The following GFRA1 variants were observed in gnomAD, a reference collection of about 807,000 sequenced individuals.
GFRA1 encodes the protein GDNF family receptor alpha-1.
In GFRA1, 16 loss-of-function variants were observed where a neutral mutation model predicts 51.6. The observed-to-expected ratio is 0.31, with a 90% CI of 0.21 to 0.47. The LOEUF is 0.47. Among genes scored for constraint, GFRA1 ranks in the 20% least tolerant of loss-of-function variants. The probability of loss-of-function intolerance (pLI) is 1.00; values close to 1 mark genes in which losing one functional copy is unlikely to be tolerated. For synonymous variants in GFRA1, 270 were observed against 241.3 expected, an observed-to-expected ratio of 1.12 and a Z score of -1.10; for missense variants, 530 against 594.3, an observed-to-expected ratio of 0.89 and a Z score of 1.13.
rs1449075788 is a variant in GFRA1, at chr10:116,109,254, C to T, written c.771-12490G>A. Reference sequence around the variant, plus strand: ...GCAGCTTCTTGAGCTCATACGCACCCGCACAGCACTGAAAAAGAATTAATG... The same window carrying T: ...GCAGCTTCTTGAGCTCATACGCACCTGCACAGCACTGAAAAAGAATTAATG... On this transcript the variant is annotated intron_variant, in intron 6 of 10. Coordinates refer to ENST00000355422, the MANE Select transcript of GFRA1 (RefSeq NM_005264.8). Among the ~76,000 whole-genome samples the T allele has an allele frequency of 5.3e-5, 8 of 152,100 alleles. No individual in the cohort carries two copies. The East Asian group carries it at 7.8e-4, about 15-fold the overall frequency.
chr10:116,229,549 C>T (rs899951119), intron 4 of GFRA1, among the ~76,000 whole-genome samples: 2 of 152,222 alleles, frequency 1.3e-5, no homozygotes, highest in African/African-American at 4.8e-5. Flanking sequence ...GGGTGATGTT[C>T]CCAGAATCTT....
rs57618028 is a variant in GFRA1, at chr10:116,228,980, CAAAAAAAAAA to C, written c.419-17345_419-17336del. The stretch of plus-strand genomic sequence containing the variant: ...TTGATGACAGACCAATACTCCATCT[CAAAAAAAAAA>C]AAAAAAAAAAAAAAAAAGAAAGGCA... On this transcript the variant is annotated intron_variant, in intron 4 of 10. Coordinates refer to ENST00000355422, the MANE Select transcript of GFRA1 (RefSeq NM_005264.8). Among the ~76,000 whole-genome samples the C allele has an allele frequency of 2.8e-4, 15 of 52,886 alleles. No individual in the cohort carries two copies. The South Asian group carries it at 7.2e-3, about 25-fold the overall frequency. 34.7% of individuals were successfully genotyped at this position (52,886 alleles called of 152,430 possible).
chr10:116,173,945 T>C (rs1342173034), intron 5 of GFRA1, among the ~76,000 whole-genome samples: 1 of 152,112 alleles, frequency 6.6e-6, no homozygotes, highest in Admixed American at 6.5e-5. Context: ...CCGGGCATGG[T>C]GGTGCATGCC....
chr10:116,172,370 G>A (rs1414541162), intron 5 of GFRA1, among the ~76,000 whole-genome samples: 1 of 152,132 alleles, frequency 6.6e-6, no homozygotes, highest in Non-Finnish European at 1.5e-5. Flanking sequence ...GTATGGGAGA[G>A]CAATGAAGGC....
chr10:116,262,500 TAA>T (rs10709032), intron 4 of GFRA1, among the ~76,000 whole-genome samples: 1 of 145,060 alleles, frequency 6.9e-6, no homozygotes, highest in African/African-American at 2.4e-5. Flanking sequence ...ACCATTTTTG[TAA>T]AAAAAAATAT....
chr10:116,223,541 C>T (rs1024413269), intron 4 of GFRA1, among the ~76,000 whole-genome samples: 1 of 152,146 alleles, frequency 6.6e-6, no homozygotes, highest in Non-Finnish European at 1.5e-5. Flanking sequence ...ATGGCAGGAC[C>T]GCACACTGGG....
chr10:116,229,898 G>C (rs1966574320), intron 4 of GFRA1, among the ~76,000 whole-genome samples: 1 of 152,168 alleles, frequency 6.6e-6, no homozygotes, highest in Non-Finnish European at 1.5e-5. Flanking sequence ...TGTTGGAAAG[G>C]AGACTGCCCT....
At chr10:116,068,365 G>T (rs1398592662) in intron 9 of GFRA1, among the ~76,000 whole-genome samples, 8 of 152,232 alleles carry the variant, frequency 5.3e-5, no homozygotes, top group Non-Finnish European at 4.4e-5. Flanking sequence ...TGTCAGCTCT[G>T]TGAGTCTGAT....
chr10:116,264,030 T>A (rs1287344983), intron 4 of GFRA1, among the ~76,000 whole-genome samples: 1 of 152,106 alleles, frequency 6.6e-6, no homozygotes, highest in Non-Finnish European at 1.5e-5. Flanking sequence ...ATTCTGGACA[T>A]GCTAAGTTTG....
chr10:116,267,351 A>C (rs1969739754), intron 4 of GFRA1, among the ~76,000 whole-genome samples: 1 of 151,996 alleles, frequency 6.6e-6, no homozygotes, highest in Non-Finnish European at 1.5e-5. Flanking sequence ...ATGTAATCCC[A>C]GCTACTCGGG....
intron 4 of GFRA1, among the ~76,000 whole-genome samples, chr10:116,220,808 G>A (rs1464192961): frequency 6.6e-6 from 1 of 152,142 alleles, no homozygotes; most frequent in Non-Finnish European, 1.5e-5. Context: ...TCAAAGGAGC[G>A]ATTGACAAGA....
chr10:116,093,923 G>T, intron 7 of GFRA1, 87 bp from the exon 8 acceptor site: 1 of 1,256,678 alleles, frequency 8.0e-7, no homozygotes, highest in Non-Finnish European at 1.2e-6. Flanking sequence ...TCTGACGGCG[G>T]ATGCACCGTG....
chr10:116,084,808 ACACAG>A (rs1174894020), intron 9 of GFRA1, among the ~76,000 whole-genome samples: 3 of 133,240 alleles, frequency 2.3e-5, no homozygotes, highest in African/African-American at 9.1e-5. Flanking sequence ...ACACACACAC[ACACAG>A]TCCATTTGGT....
intron 5 of GFRA1, among the ~76,000 whole-genome samples, chr10:116,196,557 A>ATAG (rs1963782171): frequency 2.3e-5 from 2 of 87,374 alleles, no homozygotes; most frequent in African/African-American, 8.0e-5. Context: ...ATTTTTATAT[A>ATAG]TACTATATAT....
chr10:116,084,489 C>T (rs763388457), intron 9 of GFRA1, among the ~76,000 whole-genome samples: 8 of 152,156 alleles, frequency 5.3e-5, no homozygotes, highest in African/African-American at 1.4e-4. Flanking sequence ...CTACCCTGCT[C>T]GCCCTGGGGC....
At position 116,272,596 on chromosome 10, in the gene GFRA1, G is replaced by GCA. The variant is rs1159940176; in HGVS notation, c.-246-322_-246-321insTG. 2.0e-5 allele frequency: 3 copies of GCA among 152,716 alleles called. No homozygotes were observed. The highest frequency in any genetic ancestry group is 7.2e-5 in the African/African-American group (3 of 41,464). 9.5% of individuals were successfully genotyped at this position (152,716 alleles called of 1,614,324 possible). On this transcript the variant is annotated intron_variant, in intron 1 of 10. Coordinates refer to ENST00000355422, the MANE Select transcript of GFRA1 (RefSeq NM_005264.8). The surrounding 1 kb of genome is among the most constrained non-coding windows in gnomAD (Gnocchi z 4.4). ...TCGCGAGCGGAGCCTGCAGCTGCCT[G>GCA]GAGTCCGAGCCCTCGGTGGCGGCGG...
At chr10:116,165,498 C>T (rs1010409375) in intron 5 of GFRA1, among the ~76,000 whole-genome samples, 1 of 152,156 alleles carries the variant, frequency 6.6e-6, no homozygotes, top group African/African-American at 2.4e-5. Flanking sequence ...ACAGCATTTT[C>T]CTTGGTCCCT....
rs542553941 is a variant in GFRA1 at position 116,104,396 on chromosome 10, C to T, written c.771-7632G>A. On this transcript the variant is annotated intron_variant, in intron 6 of 10. Coordinates refer to ENST00000355422, the MANE Select transcript of GFRA1 (RefSeq NM_005264.8). ...CCTCTGGCTCCTTGGCAGCTCTTGG[C>T]TGCGAGGGTTCTCCTTGTGGTTTGC... Among the ~76,000 whole-genome samples the T allele has an allele frequency of 5.9e-5, 9 of 152,318 alleles. No individual in the cohort carries two copies. In the East Asian group the frequency reaches 1.7e-3, roughly 29 times the overall value.
intron 9 of GFRA1, among the ~76,000 whole-genome samples, chr10:116,088,777 C>T (rs943104399): frequency 1.3e-5 from 2 of 151,828 alleles, no homozygotes; most frequent in African/African-American, 2.4e-5. Flanking sequence ...AAAAATTAGC[C>T]AGGCGTGGTG....
Sources: allele counts gnomAD v4.1 joint callset (sites outside exome capture counted in the v4.1 genomes callset), GRCh38; gene constraint gnomAD v4.1.1; non-coding constraint Gnocchi (gnomAD v3.1); transcripts MANE v1.5; gene names NCBI Gene and HGNC (gene_info 2026-07-23, HGNC 2026-07-21).